Variants in ADAR observed in about 807,000 individuals in gnomAD.
The protein encoded by ADAR is double-stranded RNA-specific adenosine deaminase.
In ADAR, 41 loss-of-function variants were observed where a neutral mutation model predicts 113.2. The ratio of observed to expected loss-of-function variants is 0.36; its 90% CI spans 0.28 to 0.47. ADAR has a LOEUF of 0.47. Among genes scored for constraint, ADAR ranks in the 20% least tolerant of loss-of-function variants. ADAR has a pLI of 1.00. For synonymous variants in ADAR, 605 were observed against 572.6 expected (o/e 1.06, Z -0.81); for missense variants, 1,242 against 1,540.9 (o/e 0.81, Z 3.25).
In ADAR at chr1:154,583,355, TAAAGG is replaced by T. The variant is rs1696534444; in HGVS notation, c.*1446_*1450del. 1 of 151,784 alleles carries T rather than the reference TAAAGG, an allele frequency of 6.6e-6. No homozygotes were observed. Among genetic ancestry groups the T allele is most frequent in the African/African-American group, 2.4e-5 (1 of 41,294 alleles). 9.4% of individuals were successfully genotyped at this position (151,784 alleles called of 1,614,324 possible). On this transcript the variant is annotated 3_prime_UTR_variant, in exon 15 of 15. Transcript: ENST00000368474. Reference sequence around the variant, plus strand: ...GCCAACAAAGTCCCTTCAACATGAGTAAAGGAAACAGTTTCAAGCACTGACAGTTT... The same window carrying T: ...GCCAACAAAGTCCCTTCAACATGAGTAAACAGTTTCAAGCACTGACAGTTT...
At chr1:154,590,159 A>AT in intron 7 of ADAR, 25 bp downstream of exon 7, 11 of 887,550 alleles carry the variant, frequency 1.2e-5, no homozygotes, top group Non-Finnish European at 1.9e-5. Context: ...GCCCCAAAAA[A>AT]GGCACCAAAA....
intron 1 of ADAR, among the ~76,000 whole-genome samples, chr1:154,624,329 G>GTC (rs1442674321): frequency 6.6e-6 from 1 of 152,174 alleles, no homozygotes; most frequent in African/African-American, 2.4e-5. Context: ...ATGTCAGAGG[G>GTC]TCTCACCTAT....
At chr1:154,592,380 G>A (rs1422151884) in intron 6 of ADAR, among the ~76,000 whole-genome samples, 1 of 151,946 alleles carries the variant, frequency 6.6e-6, no homozygotes, top group Non-Finnish European at 1.5e-5. Context: ...ATTTCTTTAG[G>A]TGACTATTGG....
At chr1:154,588,744 C>G (rs1421589082) in intron 9 of ADAR, 71 bp from the exon 10 acceptor site, 3 of 1,595,480 alleles carry the variant, frequency 1.9e-6, no homozygotes, top group Non-Finnish European at 2.6e-6. Flanking sequence ...ATAATCTGAC[C>G]TCCAAATGAG....
At chr1:154,586,477 A>G (rs760456017) in intron 11 of ADAR, 114 bp from the exon 12 acceptor site, 15 of 1,105,378 alleles carry the variant, frequency 1.4e-5, no homozygotes, top group Non-Finnish European at 1.9e-5. Context: ...CATTCTTCAC[A>G]TATTTCACAG....
At chr1:154,625,779 T>C (rs1571155541) in intron 1 of ADAR, among the ~76,000 whole-genome samples, 1 of 150,558 alleles carries the variant, frequency 6.6e-6, no homozygotes, top group South Asian at 2.1e-4. Flanking sequence ...CCGAGGCAGG[T>C]GGATCACCTG....
At chr1:154,627,994 A>T (rs1394538057), upstream of ADAR, 3 of 512,698 alleles carry the variant, frequency 5.9e-6, no homozygotes, top group Non-Finnish European at 1.2e-5. Context: ...GATTGGTGAC[A>T]TCATTGGCGC....
At chr1:154,607,270 T>C (rs561827342) in intron 1 of ADAR, among the ~76,000 whole-genome samples, 1 of 152,314 alleles carries the variant, frequency 6.6e-6, no homozygotes, top group Non-Finnish European at 1.5e-5. Context: ...GAGTCACCCG[T>C]GTTGTTACTT....
intron 6 of ADAR, among the ~76,000 whole-genome samples, chr1:154,594,451 G>T (rs989921350): frequency 6.6e-6 from 1 of 152,150 alleles, no homozygotes; most frequent in Non-Finnish European, 1.5e-5. Flanking sequence ...CTTTGTGATA[G>T]ACCTTAGAGA....
At position 154,601,002 on chromosome 1, in the gene ADAR, G is replaced by A. The variant is rs991444594; in HGVS notation, c.1601+39C>T. The A allele has an allele frequency of 3.1e-6, 5 of 1,613,186 alleles. No homozygotes were observed. The African/African-American group carries it at 6.7e-5, about 22-fold the overall frequency. On this transcript the variant is annotated intron_variant, in intron 2 of 14. Coordinates refer to ENST00000368474, the MANE Select transcript of ADAR (RefSeq NM_001111.5). The surrounding 1 kb of genome is among the most constrained non-coding windows in gnomAD (Gnocchi z 4.7). ...GACTGCGTCAGGAGCAAAAGCACCT[G>A]ACCCCAACCCTAGGTACAGTTCCTG...
In ADAR at chr1:154,586,500, G is replaced by A. The variant is rs141130161; in HGVS notation, c.3020-137C>T. On this transcript the variant is annotated intron_variant, in intron 11 of 14. Transcript: ENST00000368474. Reference sequence around the variant, plus strand: ...ACATATTTCACAGCCCCTGCTATGCGCCAGGCACTATGCTTGGTGCTGGGA... The same window carrying A: ...ACATATTTCACAGCCCCTGCTATGCACCAGGCACTATGCTTGGTGCTGGGA... The A allele has an allele frequency of 1.0e-3, 933 of 912,470 alleles. 5 individuals carry two copies. The African/African-American group carries it at 0.013, about 12-fold the overall frequency. The allele number at this position is 912,470 out of a possible 1,614,324, so 56.5% of individuals were successfully genotyped here. A position where few individuals can be genotyped will look rare whatever the true frequency, so the allele number is the denominator to read the frequency against.
chr1:154,589,488 A>G (rs748858650), intron 8 of ADAR, 26 bp from the exon 9 acceptor site: 2 of 1,582,082 alleles, frequency 1.3e-6, no homozygotes, highest in Non-Finnish European at 1.7e-6. Flanking sequence ...AAACAGAAAT[A>G]GAATAATGGA....
At chr1:154,618,792 A>G (rs1335755782) in intron 1 of ADAR, among the ~76,000 whole-genome samples, 2 of 152,184 alleles carry the variant, frequency 1.3e-5, no homozygotes, top group Admixed American at 6.5e-5. Flanking sequence ...TTGACAGACT[A>G]AGTGTAAAAA....
chr1:154,594,779 G>A (rs1400829217), intron 6 of ADAR, among the ~76,000 whole-genome samples: 3 of 152,204 alleles, frequency 2.0e-5, no homozygotes, highest in Non-Finnish European at 2.9e-5. Context: ...GTTTACTTCT[G>A]AGAAACTGAA....
chr1:154,608,161 C>A lies in ADAR; in HGVS notation c.-155G>T. ...GCACGGGAAACTCCGCGGGTCTGCGCGCCGGGCCCAAGATGGCTCCGGTTC... is the reference window on the plus strand; with the variant it reads ...GCACGGGAAACTCCGCGGGTCTGCGAGCCGGGCCCAAGATGGCTCCGGTTC... On this transcript the variant is annotated 5_prime_UTR_variant, in exon 1 of 15. Coordinates refer to ENST00000368474, the MANE Select transcript of ADAR (RefSeq NM_001111.5). 4 of 920,460 alleles carry A rather than the reference C, an allele frequency of 4.3e-6. No individual in the cohort carries two copies. Among genetic ancestry groups the A allele is most frequent in the Non-Finnish European group, 6.1e-6 (4 of 651,286 alleles). The allele number at this position is 920,460 out of a possible 1,614,324, so 57.0% of individuals were successfully genotyped here. A position where few individuals can be genotyped will look rare whatever the true frequency, so the allele number is the denominator to read the frequency against.
At chr1:154,622,138 T>G (rs566264708) in intron 1 of ADAR, among the ~76,000 whole-genome samples, 1 of 151,922 alleles carries the variant, frequency 6.6e-6, no homozygotes, top group East Asian at 1.9e-4. Context: ...AAAAGCAGAG[T>G]GGGCTCTGAG....
intron 6 of ADAR, among the ~76,000 whole-genome samples, chr1:154,594,996 CAT>C (rs1046477567): frequency 2.0e-5 from 3 of 152,224 alleles, no homozygotes; most frequent in African/African-American, 4.8e-5. Flanking sequence ...ATAAATCACA[CAT>C]ATGACAGGGG....
Position 154,584,606 on chromosome 1 carries a change from G to A in ADAR, c.*200C>T. Reference sequence around the variant, plus strand: ...CTCTTCACTTGGGGGAAAAAAGGGGGGCCTGGCCAGACCTTGCCTAGCAAT... The same window carrying A: ...CTCTTCACTTGGGGGAAAAAAGGGGAGCCTGGCCAGACCTTGCCTAGCAAT... On this transcript the variant is annotated 3_prime_UTR_variant, in exon 15 of 15. Coordinates refer to ENST00000368474, the MANE Select transcript of ADAR (RefSeq NM_001111.5). The A allele has an allele frequency of 1.7e-6, 1 of 588,384 alleles. No homozygotes were observed. The highest frequency in any genetic ancestry group is 1.9e-5 in the African/African-American group (1 of 53,846). The allele number at this position is 588,384 out of a possible 1,614,324, so 36.4% of individuals were successfully genotyped here.
chr1:154,593,447 ATTT>A (rs1380499939), intron 6 of ADAR, among the ~76,000 whole-genome samples: 1 of 152,150 alleles, frequency 6.6e-6, no homozygotes, highest in African/African-American at 2.4e-5. Context: ...AGGGGCAGCA[ATTT>A]TTTGTATCTT....
Sources: gnomAD v4.1 joint callset for allele counts (sites outside exome capture counted in the v4.1 genomes callset) on GRCh38, gnomAD v4.1.1 for gene constraint, Gnocchi (gnomAD v3.1) non-coding constraint, MANE v1.5 for transcripts, NCBI Gene and HGNC (gene_info 2026-07-23, HGNC 2026-07-21) for gene names.